The following RGS7 variants were observed in gnomAD, a reference collection of about 807,000 sequenced individuals.
RGS7 encodes regulator of G-protein signaling 7.
In RGS7, 27 loss-of-function variants were observed where a neutral mutation model predicts 81.1. That is an observed-to-expected ratio of 0.33 (90% CI 0.25 to 0.46). The LOEUF (loss-of-function observed/expected upper bound fraction) is 0.46. Among genes scored for constraint, RGS7 ranks in the 20% least tolerant of loss-of-function variants. The pLI is 1.00. For missense variants in RGS7, 396 were observed against 607.4 expected (o/e 0.65, Z 3.66); for synonymous variants, 208 against 207.7 (o/e 1.00, Z -0.01).
intron 4 of RGS7, among the ~76,000 whole-genome samples, chr1:240,961,452 T>C (rs73121897): frequency 0.035 from 5,294 of 152,314 alleles, 294 homozygotes; most frequent in African/African-American, 0.12. Context: ...TTTAGCTTTA[T>C]TGGGGTCTTT....
chr1:241,120,289 G>T (rs1022899793), intron 2 of RGS7, among the ~76,000 whole-genome samples: 4 of 152,140 alleles, frequency 2.6e-5, no homozygotes, highest in Non-Finnish European at 2.9e-5. Context: ...CATACACCTT[G>T]CTCTCTACAT....
At chr1:241,100,291 A>C (rs924898685) in intron 2 of RGS7, among the ~76,000 whole-genome samples, 1 of 145,668 alleles carries the variant, frequency 6.9e-6, no homozygotes, top group Non-Finnish European at 1.5e-5. Flanking sequence ...AGGAGAATGG[A>C]GTGAACCCAG....
chr1:241,214,758 T>C (rs2074450662), intron 2 of RGS7, among the ~76,000 whole-genome samples: 1 of 152,162 alleles, frequency 6.6e-6, no homozygotes, highest in African/African-American at 2.4e-5. Context: ...AATAAACTGC[T>C]TCTTTTGTTG....
At chr1:241,317,105 G>A (rs531561805) in intron 2 of RGS7, among the ~76,000 whole-genome samples, 6 of 152,240 alleles carry the variant, frequency 3.9e-5, no homozygotes, top group South Asian at 4.1e-4. Context: ...GTATTTGCAC[G>A]TTTGGAAGCT....
chr1:240,893,447 A>G (rs1668573447), intron 6 of RGS7, among the ~76,000 whole-genome samples: 1 of 152,148 alleles, frequency 6.6e-6, no homozygotes, highest in Non-Finnish European at 1.5e-5. Context: ...CATTTAGCTT[A>G]TGTTAAACCA....
chr1:241,282,981 A>G, intron 2 of RGS7, among the ~76,000 whole-genome samples: 1 of 152,262 alleles, frequency 6.6e-6, no homozygotes, highest in South Asian at 2.1e-4. Flanking sequence ...TAGTTTTTAC[A>G]TTATATGTAC....
chr1:241,163,099 CG>C lies in RGS7; in HGVS notation c.79-64338del, dbSNP rs947920987. On this transcript the variant is annotated intron_variant, in intron 2 of 18. Coordinates refer to ENST00000440928, the MANE Select transcript of RGS7 (RefSeq NM_001364886.1). The surrounding 1 kb of genome is among the most constrained non-coding windows in gnomAD (Gnocchi z 4.6). ...TGTCAGATTAAGCAGAGACAGGCTC[CG>C]TGGCCAGGAAGGCATAACCATTTGC... Among the ~76,000 whole-genome samples the C allele has an allele frequency of 3.3e-5, 5 of 152,240 alleles. No homozygotes were observed. Among genetic ancestry groups the C allele is most frequent in the African/African-American group, 1.2e-4 (5 of 41,556 alleles).
intron 3 of RGS7, among the ~76,000 whole-genome samples, chr1:241,049,415 C>T (rs993743075): frequency 9.2e-5 from 14 of 152,266 alleles, no homozygotes; most frequent in African/African-American, 3.4e-4. Context: ...AATCCTTGAC[C>T]TTTGGAATAC....
At chr1:240,990,154 C>T (rs1686250541) in intron 3 of RGS7, among the ~76,000 whole-genome samples, 1 of 152,152 alleles carries the variant, frequency 6.6e-6, no homozygotes, top group Non-Finnish European at 1.5e-5. Flanking sequence ...AGATGGATCA[C>T]TGTGCATAAA....
intron 3 of RGS7, among the ~76,000 whole-genome samples, chr1:241,087,297 T>C (rs2063504422): frequency 6.6e-6 from 1 of 152,222 alleles, no homozygotes; most frequent in South Asian, 2.1e-4. Context: ...TCAGAGAAGT[T>C]CCTTTATTCA....
At chr1:241,310,364 AGTGT>A (rs371574220) in intron 2 of RGS7, among the ~76,000 whole-genome samples, 8 of 150,740 alleles carry the variant, frequency 5.3e-5, no homozygotes, top group Non-Finnish European at 7.4e-5. Flanking sequence ...AAGGTGTGAG[AGTGT>A]GTGTGTGTGT....
chr1:240,795,721 T>C (rs1047254081), intron 18 of RGS7, among the ~76,000 whole-genome samples: 2 of 152,200 alleles, frequency 1.3e-5, no homozygotes, highest in Non-Finnish European at 2.9e-5. Context: ...GCATGGTTAA[T>C]AAATAGAATC....
intron 7 of RGS7, 110 bp downstream of exon 7, chr1:240,869,945 A>T (rs1293231340): frequency 2.3e-5 from 23 of 994,528 alleles, no homozygotes; most frequent in Non-Finnish European, 3.6e-5. Context: ...CATCTCAAAA[A>T]AAAGAAAAAG....
At chr1:241,346,146 T>C (rs1038705554) in intron 2 of RGS7, among the ~76,000 whole-genome samples, 2 of 19,406 alleles carry the variant, frequency 1.0e-4, no homozygotes, top group Non-Finnish European at 6.1e-4. Flanking sequence ...AAAATAAAAT[T>C]TGATAAAAAA....
chr1:241,256,919 C>A (rs1407216223), intron 2 of RGS7, among the ~76,000 whole-genome samples: 2 of 115,834 alleles, frequency 1.7e-5, no homozygotes, highest in Non-Finnish European at 3.6e-5. Flanking sequence ...TAAACTACCA[C>A]TAGAAATACA....
chr1:240,793,611 A>ATATATATATTTTTTTTTT, intron 18 of RGS7, among the ~76,000 whole-genome samples: 2 of 78,870 alleles, frequency 2.5e-5, no homozygotes, highest in African/African-American at 1.9e-4. Flanking sequence ...ATATATATAT[A>ATATATATATTTTTTTTTT]TTTTTTTTTT....
chr1:241,234,769 G>C (rs2075839969), intron 2 of RGS7, among the ~76,000 whole-genome samples: 1 of 151,676 alleles, frequency 6.6e-6, no homozygotes, highest in African/African-American at 2.4e-5. Flanking sequence ...ACATCCTATT[G>C]CATCTTCAGT....
rs1663982031 is a variant in RGS7, at chr1:240,868,945, TAGAG to T, written c.451-97_451-94del. 1 of 1,172,282 alleles carries T rather than the reference TAGAG, an allele frequency of 8.5e-7. No homozygotes were observed. The highest frequency in any genetic ancestry group is 1.3e-6 in the Non-Finnish European group (1 of 778,788). The allele number at this position is 1,172,282 out of a possible 1,614,324, so 72.6% of individuals were successfully genotyped here. ...CACTTGTATTTGTCAAGGAAACAAA[TAGAG>T]AGTTTCTAAAGCCCTAAGTGTACTG... On this transcript the variant is annotated intron_variant, in intron 7 of 18. Transcript: ENST00000440928. This position sits in a 1 kb window ranked among gnomAD's most constrained non-coding sequence, Gnocchi z 5.1.
chr1:240,944,280 GTGTATATATATATATATATATATATA>G (rs1372590109), intron 4 of RGS7, among the ~76,000 whole-genome samples: 3 of 21,194 alleles, frequency 1.4e-4, no homozygotes, highest in African/African-American at 4.7e-4. Context: ...GTGTGTGTGT[GTGTATATATATATATATATATATATA>G]TATATATATA....
Sources: allele counts gnomAD v4.1 joint callset (sites outside exome capture counted in the v4.1 genomes callset), GRCh38; gene constraint gnomAD v4.1.1; non-coding constraint Gnocchi (gnomAD v3.1); transcripts MANE v1.5; gene names NCBI Gene and HGNC (gene_info 2026-07-23, HGNC 2026-07-21).